The following ENTPD5 variants were observed in gnomAD, a reference collection of about 807,000 sequenced individuals.
ENTPD5 encodes ectonucleoside triphosphate diphosphohydrolase 5 (inactive).
A neutral mutation model predicts 60.2 loss-of-function variants in ENTPD5; 49 were observed. That is an observed-to-expected ratio of 0.81 (90% CI 0.65 to 1.03). The LOEUF is 1.03. Among genes scored for constraint, ENTPD5 ranks in the 50% least tolerant of loss-of-function variants. The probability of loss-of-function intolerance (pLI) is 0.00; values close to 1 mark genes in which losing one functional copy is unlikely to be tolerated. For synonymous variants in ENTPD5, 187 were observed against 185.4 expected (o/e 1.01, Z -0.07); for missense variants, 480 against 507.6 (o/e 0.95, Z 0.52).
At chr14:73,958,175 A>C (rs1448453585), downstream of ENTPD5, 1 of 1,613,976 alleles carries the variant, frequency 6.2e-7, no homozygotes, top group Admixed American at 1.7e-5. Flanking sequence ...ACAGGAGCAA[A>C]GCCATTCGCT....
At chr14:73,982,180 T>C (rs2057718408) in intron 6 of ENTPD5, among the ~76,000 whole-genome samples, 1 of 152,300 alleles carries the variant, frequency 6.6e-6, no homozygotes, top group South Asian at 2.1e-4. Flanking sequence ...GTTGAAGCGA[T>C]TCTCCTGCCT....
chr14:73,958,189 C>T (rs776767051), downstream of ENTPD5: 25 of 1,614,014 alleles, frequency 1.5e-5, no homozygotes, highest in Non-Finnish European at 1.9e-5. Flanking sequence ...ATTCGCTATA[C>T]CTGGCCTTGT....
In ENTPD5 at chr14:73,966,956, A is replaced by C; in HGVS notation, c.1259T>G (p.Leu420Arg). 6.2e-7 allele frequency: 1 copy of C among 1,614,224 alleles called. No individual in the cohort carries two copies. Among genetic ancestry groups the C allele is most frequent in the African/African-American group, 1.3e-5 (1 of 75,076 alleles). The change falls in exon 16 of 16, where the codon CTG becomes CGG. Residue 420 changes from leucine to arginine, a missense_variant. Physicochemically the swap from Leu to Arg is moderately radical, Grantham distance 102. Transcript: ENST00000334696. ...TGWALGATFH[L>R]LQSLGISH ...ATGGGAGATGCCCAGAGACTGCAAC[A>C]GGTGAAAGGTGGCCCCCAAGGCCCA... is the stretch of plus-strand genomic sequence containing the variant.
At chr14:73,986,099 A>G (rs1450492706) in intron 5 of ENTPD5, 1 of 151,924 alleles carries the variant, frequency 6.6e-6, no homozygotes, top group African/African-American at 2.4e-5. Flanking sequence ...AAAAAGAAGA[A>G]AATGTATATA....
At chr14:73,968,484 G>A (rs994433924) in intron 15 of ENTPD5, among the ~76,000 whole-genome samples, 2 of 150,344 alleles carry the variant, frequency 1.3e-5, no homozygotes, top group African/African-American at 2.5e-5. Context: ...GGAGTGCAAT[G>A]GTATGATCTC....
intron 3 of ENTPD5, 104 bp from the exon 4 acceptor site, chr14:73,988,276 T>C: frequency 1.8e-6 from 2 of 1,092,862 alleles, no homozygotes; most frequent in Non-Finnish European, 2.5e-6. Context: ...TTCCCTATTC[T>C]AATAACCTGT....
At chr14:73,959,608 G>C, downstream of ENTPD5, 1 of 1,600,222 alleles carries the variant, frequency 6.2e-7, no homozygotes, top group African/African-American at 1.3e-5. Context: ...ACGGATCCTT[G>C]CCAGGCTGGA....
chr14:73,990,916 C>G (rs1432624304), intron 3 of ENTPD5, among the ~76,000 whole-genome samples: 1 of 152,014 alleles, frequency 6.6e-6, no homozygotes. Context: ...GTAGTCCCAG[C>G]TACTCAGGAG....
In ENTPD5 at chr14:74,001,404, A is replaced by C. The variant is rs533557531; in HGVS notation, c.-71+9687T>G. Among the ~76,000 whole-genome samples the C allele has an allele frequency of 2.6e-5, 4 of 151,990 alleles. 1 individual carries two copies. Among genetic ancestry groups the C allele is most frequent in the African/African-American group, 9.7e-5 (4 of 41,410 alleles). ...ATAGTCCCAGCTACTCGGGAGGGTT[A>C]GGCAGGAGAATGACGTGAACCTGGG... On this transcript the variant is annotated intron_variant, in intron 3 of 15. Coordinates refer to ENST00000334696, the MANE Select transcript of ENTPD5 (RefSeq NM_001249.5).
chr14:73,976,260 T>C (rs2057440329), intron 9 of ENTPD5, 64 bp downstream of exon 9: 1 of 1,453,402 alleles, frequency 6.9e-7, no homozygotes, highest in African/African-American at 1.4e-5. Flanking sequence ...GGGGCGCCTC[T>C]TTCTTGGCAC....
chr14:73,958,540 G>C (rs565873669), downstream of ENTPD5: 178 of 1,320,432 alleles, frequency 1.3e-4, no homozygotes, highest in Admixed American at 2.2e-4. Flanking sequence ...GTTGGGAATG[G>C]AGGCTGTTCT....
chr14:73,973,780 A>C (rs2057326051), intron 12 of ENTPD5, 97 bp downstream of exon 12: 1 of 1,016,262 alleles, frequency 9.8e-7, no homozygotes, highest in African/African-American at 1.6e-5. Flanking sequence ...CTGCAACAAG[A>C]TAAGCTTCTC....
At chr14:74,013,415 G>A (rs578199483) in intron 2 of ENTPD5, among the ~76,000 whole-genome samples, 3 of 152,250 alleles carry the variant, frequency 2.0e-5, no homozygotes, top group Admixed American at 6.5e-5. Context: ...CCCATGGGCC[G>A]CATGTAGCCC....
At chr14:73,999,591 T>C (rs7159179) in intron 3 of ENTPD5, among the ~76,000 whole-genome samples, 103,748 of 150,738 alleles carry the variant, frequency 0.69, 36,078 homozygotes, top group South Asian at 0.75. Flanking sequence ...GTCAGGAGTT[T>C]GAGACCAGAC....
intron 3 of ENTPD5, among the ~76,000 whole-genome samples, chr14:74,006,019 A>G (rs1023806558): frequency 6.6e-6 from 1 of 151,844 alleles, no homozygotes; most frequent in Non-Finnish European, 1.5e-5. Context: ...ATGGAGTTTT[A>G]CTCTTGTTCC....
At chr14:74,015,198 C>T (rs2058979038) in intron 2 of ENTPD5, among the ~76,000 whole-genome samples, 2 of 151,824 alleles carry the variant, frequency 1.3e-5, no homozygotes, top group Non-Finnish European at 1.5e-5. Context: ...TAGACTGATC[C>T]ACCTATAAAG....
At chr14:73,974,402 C>G (rs1490242156) in intron 11 of ENTPD5, among the ~76,000 whole-genome samples, 1 of 152,170 alleles carries the variant, frequency 6.6e-6, no homozygotes, top group Non-Finnish European at 1.5e-5. Context: ...TAGATGTCAT[C>G]CCAATAACAG....
chr14:73,979,759 C>G (rs1194320702), intron 6 of ENTPD5, among the ~76,000 whole-genome samples: 7 of 152,114 alleles, frequency 4.6e-5, no homozygotes, highest in African/African-American at 1.7e-4. Context: ...GCGTAAGCCA[C>G]TGCACCTGGC....
chr14:74,010,267 G>A (rs558820452), intron 3 of ENTPD5, among the ~76,000 whole-genome samples: 2 of 151,840 alleles, frequency 1.3e-5, no homozygotes, highest in East Asian at 1.9e-4. Context: ...TGGTAAAAGT[G>A]TTTTCGGCCA....
Sources: allele counts gnomAD v4.1 joint callset (sites outside exome capture counted in the v4.1 genomes callset), GRCh38; gene constraint gnomAD v4.1.1; transcripts MANE v1.5; gene names NCBI Gene and HGNC (gene_info 2026-07-23, HGNC 2026-07-21).